SGCZ: variants seen among roughly 807,000 people sequenced by gnomAD.
SGCZ encodes the protein sarcoglycan zeta.
A neutral mutation model predicts 41.3 loss-of-function variants in SGCZ; 40 were observed. That is an observed-to-expected ratio of 0.97 (90% CI 0.75 to 1.26). The LOEUF (loss-of-function observed/expected upper bound fraction) is 1.26. Among genes scored for constraint, SGCZ ranks in the 50% most tolerant of loss-of-function variants. SGCZ has a pLI of 0.00. For synonymous variants in SGCZ, 206 were observed against 137.5 expected (o/e 1.50, Z -3.49); for missense variants, 552 against 369.8 (o/e 1.49, Z -4.04).
intron 1 of SGCZ, among the ~76,000 whole-genome samples, chr8:15,020,592 C>G (rs895387734): frequency 2.6e-5 from 4 of 152,146 alleles, no homozygotes; most frequent in African/African-American, 9.7e-5. Flanking sequence ...TCACCTCAAC[C>G]AGATACACAA....
intron 1 of SGCZ, among the ~76,000 whole-genome samples, chr8:14,983,629 G>GCCA (rs1451970226): frequency 1.3e-5 from 2 of 152,084 alleles, no homozygotes; most frequent in Non-Finnish European, 2.9e-5. Flanking sequence ...ACAGATGTGA[G>GCCA]CCACCGTGCC....
At chr8:14,497,198 T>A (rs940348585) in intron 2 of SGCZ, among the ~76,000 whole-genome samples, 2 of 152,168 alleles carry the variant, frequency 1.3e-5, no homozygotes, top group Non-Finnish European at 2.9e-5. Flanking sequence ...AAACAGAGGT[T>A]TATCTTGGCT....
At chr8:14,468,392 A>G (rs1358893032) in intron 2 of SGCZ, among the ~76,000 whole-genome samples, 2 of 152,118 alleles carry the variant, frequency 1.3e-5, no homozygotes, top group Admixed American at 6.6e-5. Context: ...TATTTTAAAT[A>G]TCTTGCTCTA....
chr8:15,237,342 T>C (rs903160259), intron 1 of SGCZ, among the ~76,000 whole-genome samples: 5 of 152,160 alleles, frequency 3.3e-5, no homozygotes, highest in Admixed American at 1.3e-4. Context: ...GGGTGGCCGC[T>C]GGCGGGAGGA....
In SGCZ at chr8:14,493,359, C is replaced by CTTTTTTTTTTTTTTTTTT. The variant is rs57898016; in HGVS notation, c.234+61355_234+61372dup. Among the ~76,000 whole-genome samples, 57 of 44,278 alleles carry CTTTTTTTTTTTTTTTTTT rather than the reference C, an allele frequency of 1.3e-3. 6 individuals carry two copies. Among genetic ancestry groups the CTTTTTTTTTTTTTTTTTT allele is most frequent in the East Asian group, 1.9e-3 (2 of 1,048 alleles). The allele number at this position is 44,278 out of a possible 152,430, so 29.0% of individuals were successfully genotyped here. ...CATACTTTTCCCACTATCATCCTTTCTTTTTTTTTTTTTTTTTTTTTTTTT... is the reference window on the plus strand; with the variant it reads ...CATACTTTTCCCACTATCATCCTTTCTTTTTTTTTTTTTTTTTTTTTTTTTTTTTTTTTTTTTTTTTTT... On this transcript the variant is annotated intron_variant, in intron 2 of 7. Transcript: ENST00000382080.
chr8:14,689,241 T>C (rs1808720972), intron 1 of SGCZ, among the ~76,000 whole-genome samples: 1 of 152,096 alleles, frequency 6.6e-6, no homozygotes, highest in Non-Finnish European at 1.5e-5. Flanking sequence ...ATATAGCTTT[T>C]TTGAAAATTG....
intron 1 of SGCZ, among the ~76,000 whole-genome samples, chr8:14,836,922 C>G (rs913646231): frequency 5.3e-5 from 8 of 152,146 alleles, no homozygotes; most frequent in African/African-American, 1.9e-4. Context: ...TGTATTAACC[C>G]ACTTGTCCAG....
chr8:14,194,959 T>C (rs938163907), intron 4 of SGCZ, among the ~76,000 whole-genome samples: 2 of 152,074 alleles, frequency 1.3e-5, no homozygotes, highest in African/African-American at 4.8e-5. Context: ...ATTCAGAGGG[T>C]TAATCTGTTC....
intron 5 of SGCZ, among the ~76,000 whole-genome samples, chr8:14,163,814 C>G (rs1804123012): frequency 6.6e-6 from 1 of 152,092 alleles, no homozygotes; most frequent in African/African-American, 2.4e-5. Flanking sequence ...TGAGCTGTTT[C>G]CAAACTCAAG....
At chr8:14,707,756 T>A (rs563511404) in intron 1 of SGCZ, among the ~76,000 whole-genome samples, 1 of 152,306 alleles carries the variant, frequency 6.6e-6, no homozygotes, top group South Asian at 2.1e-4. Context: ...CAAGCCCGTC[T>A]GGCTAGCCTT....
At chr8:14,326,359 T>C (rs752673968) in intron 2 of SGCZ, among the ~76,000 whole-genome samples, 5 of 151,982 alleles carry the variant, frequency 3.3e-5, no homozygotes, top group Non-Finnish European at 7.4e-5. Flanking sequence ...TATATAACAT[T>C]ATGATATCAG....
intron 4 of SGCZ, among the ~76,000 whole-genome samples, chr8:14,205,164 A>C (rs1024324149): frequency 5.5e-5 from 3 of 54,192 alleles, no homozygotes; most frequent in African/African-American, 7.3e-5. Context: ...GTGGTATCCT[A>C]GACTTTATTT....
intron 1 of SGCZ, among the ~76,000 whole-genome samples, chr8:15,168,513 T>C (rs1019773212): frequency 6.6e-6 from 1 of 151,362 alleles, no homozygotes; most frequent in Non-Finnish European, 1.5e-5. Context: ...TTGGTACTCA[T>C]GGCAGTACCT....
At chr8:14,547,183 G>A (rs1486061974) in intron 2 of SGCZ, among the ~76,000 whole-genome samples, 1 of 152,092 alleles carries the variant, frequency 6.6e-6, no homozygotes, top group African/African-American at 2.4e-5. Context: ...GTTCATTAAA[G>A]AAACTCAGCA....
intron 4 of SGCZ, 103 bp downstream of exon 4, chr8:14,237,489 A>G (rs1401920603): frequency 9.2e-7 from 1 of 1,087,308 alleles, no homozygotes; most frequent in African/African-American, 1.6e-5. Flanking sequence ...TCTCAAAACA[A>G]CAACAACAAC....
rs561032140 is a variant in SGCZ, at chr8:15,220,731, C to T, written c.39+16854G>A. ...ATGCATACGTACGTTTATTGCAGCA[C>T]TATTTACAATAGCAAAGATTTGGAA... On this transcript the variant is annotated intron_variant, in intron 1 of 7. Coordinates refer to ENST00000382080, the MANE Select transcript of SGCZ (RefSeq NM_139167.4). Among the ~76,000 whole-genome samples the T allele has an allele frequency of 6.6e-5, 10 of 152,224 alleles. No individual in the cohort carries two copies. The South Asian group carries it at 2.1e-3, about 32-fold the overall frequency.
chr8:14,449,096 G>C (rs183245735), intron 2 of SGCZ, among the ~76,000 whole-genome samples: 6 of 152,290 alleles, frequency 3.9e-5, no homozygotes, highest in East Asian at 1.9e-4. Context: ...CTGCCAGCAA[G>C]TCCCTGCAGC....
At chr8:14,269,770 G>T (rs1372349831) in intron 3 of SGCZ, among the ~76,000 whole-genome samples, 1 of 152,106 alleles carries the variant, frequency 6.6e-6, no homozygotes, top group East Asian at 1.9e-4. Context: ...TCAACTGATT[G>T]GGGACACTGC....
At chr8:14,344,588 G>A (rs1343668454) in intron 2 of SGCZ, among the ~76,000 whole-genome samples, 1 of 152,002 alleles carries the variant, frequency 6.6e-6, no homozygotes. Flanking sequence ...ATGCAAAAGA[G>A]AAAGGGAAAA....
Sources: gnomAD v4.1 joint callset for allele counts (sites outside exome capture counted in the v4.1 genomes callset) on GRCh38, gnomAD v4.1.1 for gene constraint, MANE v1.5 for transcripts, NCBI Gene and HGNC (gene_info 2026-07-23, HGNC 2026-07-21) for gene names.